The following CRTC3 variants were observed in gnomAD, a reference collection of about 807,000 sequenced individuals.
CRTC3 encodes the protein CREB-regulated transcription coactivator 3.
In CRTC3, 26 loss-of-function variants were observed where a neutral mutation model predicts 74.5. The observed-to-expected ratio is 0.35, with a 90% CI of 0.26 to 0.48. The LOEUF is 0.48. Among genes scored for constraint, CRTC3 ranks in the 20% least tolerant of loss-of-function variants. The pLI, the probability that CRTC3 is intolerant of heterozygous loss-of-function variation, is 0.99. For missense variants in CRTC3, 760 were observed against 787.3 expected (o/e 0.97, Z 0.41); for synonymous variants, 377 against 325.8 (o/e 1.16, Z -1.69).
At chr15:90,602,265 T>C in intron 3 of CRTC3, 59 bp from the exon 4 acceptor site, 1 of 1,035,798 alleles carries the variant, frequency 9.7e-7, no homozygotes, top group Middle Eastern at 2.5e-4. Context: ...TGAGTCCACC[T>C]TGTTAATTCT....
chr15:90,566,911 A>C (rs1967136125), intron 2 of CRTC3, among the ~76,000 whole-genome samples: 1 of 151,844 alleles, frequency 6.6e-6, no homozygotes, highest in African/African-American at 2.4e-5. Context: ...GGGTTTCACT[A>C]TGTTGGTCAG....
At chr15:90,628,599 C>A (rs1364100384) in intron 10 of CRTC3, among the ~76,000 whole-genome samples, 1 of 152,202 alleles carries the variant, frequency 6.6e-6, no homozygotes, top group Non-Finnish European at 1.5e-5. Flanking sequence ...ATCAAATTCA[C>A]CCCTGTCCCC....
At chr15:90,571,798 G>A (rs775369711) in intron 2 of CRTC3, among the ~76,000 whole-genome samples, 40 of 152,162 alleles carry the variant, frequency 2.6e-4, no homozygotes, top group Middle Eastern at 6.8e-3. Context: ...ATATGCAAGC[G>A]TGTGTGTGTA....
chr15:90,550,823 G>A (rs961851739), intron 2 of CRTC3, among the ~76,000 whole-genome samples: 1 of 151,944 alleles, frequency 6.6e-6, no homozygotes, highest in African/African-American at 2.4e-5. Context: ...GCAGGCCTGG[G>A]AAAGGGGATC....
rs181201439 is a variant in CRTC3 at position 90,534,062 on chromosome 15, T to A, written c.132+3859T>A. On this transcript the variant is annotated intron_variant, in intron 1 of 14. Transcript: ENST00000268184. ...GGTTAAACTATGTGAGATTTGCTTT[T>A]TTAAAAGATTCCTCTAGCTCCAGCG... Among the ~76,000 whole-genome samples, 279 of 152,292 alleles carry A rather than the reference T, an allele frequency of 1.8e-3. 1 individual carries two copies. Among genetic ancestry groups the A allele is most frequent in the Non-Finnish European group, 7.2e-4 (49 of 68,034 alleles).
chr15:90,634,837 A>T, intron 11 of CRTC3: 2 of 1,532,338 alleles, frequency 1.3e-6, no homozygotes, highest in East Asian at 2.2e-5. Flanking sequence ...GAAAAATCTC[A>T]AGGAAAAGTA....
chr15:90,640,982 A>G (rs1464344886), intron 13 of CRTC3, 115 bp from the exon 14 acceptor site: 1 of 699,510 alleles, frequency 1.4e-6, no homozygotes, highest in Non-Finnish European at 2.6e-6. Context: ...CCTGGAAAGA[A>G]GGGAATATGG....
Position 90,629,548 on chromosome 15 carries a change from C to G in CRTC3, c.1266+16C>G, listed in dbSNP as rs758974854. 6.2e-7 allele frequency: 1 copy of G among 1,612,196 alleles called. No individual in the cohort carries two copies. The highest frequency in any genetic ancestry group is 8.5e-7 in the Non-Finnish European group (1 of 1,178,340). Reference sequence around the variant, plus strand: ...TACCTCCCAGGTAAACACACACAGACAGACCAACCACTACAGTGAAACAGA... The same window carrying G: ...TACCTCCCAGGTAAACACACACAGAGAGACCAACCACTACAGTGAAACAGA... On this transcript the variant is annotated intron_variant, in intron 11 of 14. Coordinates refer to ENST00000268184, the MANE Select transcript of CRTC3 (RefSeq NM_022769.5).
chr15:90,574,200 C>A (rs567566145), intron 2 of CRTC3, among the ~76,000 whole-genome samples: 4 of 151,964 alleles, frequency 2.6e-5, no homozygotes, highest in Non-Finnish European at 5.9e-5. Context: ...ACTTATTGGC[C>A]GGGCGTGGTG....
At chr15:90,546,473 G>T (rs1045888885) in intron 2 of CRTC3, among the ~76,000 whole-genome samples, 1 of 152,084 alleles carries the variant, frequency 6.6e-6, no homozygotes, top group Non-Finnish European at 1.5e-5. Context: ...ACACTGTCTT[G>T]ATTACTGTAC....
chr15:90,580,404 C>T (rs913074658), intron 2 of CRTC3, among the ~76,000 whole-genome samples: 4 of 151,754 alleles, frequency 2.6e-5, no homozygotes, highest in African/African-American at 9.7e-5. Context: ...TAGTGTCAGT[C>T]CCGCTGGTTT....
At chr15:90,540,187 G>A (rs1966780867) in intron 2 of CRTC3, 50 bp downstream of exon 2, 1 of 1,236,254 alleles carries the variant, frequency 8.1e-7, no homozygotes, top group Non-Finnish European at 1.2e-6. Flanking sequence ...GTAAAAAATA[G>A]ACAAAGATTA....
In CRTC3 at chr15:90,555,675, G is replaced by A. The variant is rs549195729; in HGVS notation, c.231+15538G>A. ...TGGGATTATAGGCATGCACCACCAT[G>A]CCCAGTTAATTTTTGTATTTTTAAT... On this transcript the variant is annotated intron_variant, in intron 2 of 14. Transcript: ENST00000268184. 6.6e-5 allele frequency among the ~76,000 whole-genome samples: 10 copies of A among 152,130 alleles called. No individual in the cohort carries two copies. The East Asian group carries it at 1.9e-3, about 29-fold the overall frequency.
intron 11 of CRTC3, chr15:90,634,951 A>T: frequency 6.4e-7 from 1 of 1,559,776 alleles, no homozygotes; most frequent in Admixed American, 1.7e-5. Flanking sequence ...CTCCCAGAAT[A>T]TGGAGGCACC....
rs188141855 is a variant in CRTC3, at chr15:90,540,672, C to T, written c.231+535C>T. On this transcript the variant is annotated intron_variant, in intron 2 of 14. Transcript: ENST00000268184. ...GCTGTAGTCCCAGCTACTTGGGAAG[C>T]TGAGGCATGAGAATCGCTTGAACCC... 2.6e-3 allele frequency among the ~76,000 whole-genome samples: 392 copies of T among 152,160 alleles called. 1 individual carries two copies. The highest frequency in any genetic ancestry group is 4.7e-3 in the Non-Finnish European group (323 of 68,008).
chr15:90,550,984 G>A (rs1382815703), intron 2 of CRTC3, among the ~76,000 whole-genome samples: 1 of 152,114 alleles, frequency 6.6e-6, no homozygotes, highest in Non-Finnish European at 1.5e-5. Context: ...TTCAGGTTGT[G>A]TAGGGCAGAA....
In CRTC3 at chr15:90,634,070, A is replaced by G. The variant is rs187909076; in HGVS notation, c.1267-4376A>G. Among the ~76,000 whole-genome samples the G allele has an allele frequency of 2.0e-3, 297 of 152,086 alleles. 1 individual carries two copies. The highest frequency in any genetic ancestry group is 3.4e-3 in the Non-Finnish European group (232 of 67,998). On this transcript the variant is annotated intron_variant, in intron 11 of 14. Coordinates refer to ENST00000268184, the MANE Select transcript of CRTC3 (RefSeq NM_022769.5). ...CCTAAATTGCATAAAAGTAGAGAAC[A>G]TAATACAATAAGTCCTCCTATACCC...
intron 2 of CRTC3, among the ~76,000 whole-genome samples, chr15:90,585,695 G>T (rs1967644404): frequency 6.6e-6 from 1 of 152,146 alleles, no homozygotes; most frequent in African/African-American, 2.4e-5. Flanking sequence ...GAAGGAAAGA[G>T]CAGAATTCCA....
intron 6 of CRTC3, among the ~76,000 whole-genome samples, chr15:90,611,433 T>C (rs1968354061): frequency 6.6e-6 from 1 of 152,182 alleles, no homozygotes; most frequent in Admixed American, 6.5e-5. Flanking sequence ...GTGTCCTGTT[T>C]CCAGAGAGCC....
Sources: gnomAD v4.1 joint callset for allele counts (sites outside exome capture counted in the v4.1 genomes callset) on GRCh38, gnomAD v4.1.1 for gene constraint, MANE v1.5 for transcripts, NCBI Gene and HGNC (gene_info 2026-07-23, HGNC 2026-07-21) for gene names.